Variants in PIK3C2B observed in about 807,000 individuals in gnomAD.
PIK3C2B encodes the protein phosphatidylinositol 4-phosphate 3-kinase C2 domain-containing subunit beta.
In PIK3C2B, 83 loss-of-function variants were observed where a neutral mutation model predicts 184.3. The ratio of observed to expected loss-of-function variants is 0.45; its 90% CI spans 0.38 to 0.54. The LOEUF (loss-of-function observed/expected upper bound fraction) is 0.54, where lower values mean the gene tolerates loss of function less well. Among genes scored for constraint, PIK3C2B ranks in the 20% least tolerant of loss-of-function variants. PIK3C2B has a pLI of 0.00. For missense variants in PIK3C2B, 1,736 were observed against 2,113.5 expected, an observed-to-expected ratio of 0.82 and a Z score of 3.50; for synonymous variants, 779 against 837.6, an observed-to-expected ratio of 0.93 and a Z score of 1.21.
intron 23 of PIK3C2B, among the ~76,000 whole-genome samples, chr1:204,437,928 C>T (rs939160621): frequency 1.5e-4 from 23 of 152,076 alleles, no homozygotes; most frequent in Admixed American, 9.8e-4. Flanking sequence ...GGAATGGCTT[C>T]GGAGGTCATC....
chr1:204,487,661 T>C (rs1657704889), intron 1 of PIK3C2B, among the ~76,000 whole-genome samples: 1 of 152,182 alleles, frequency 6.6e-6, no homozygotes, highest in South Asian at 2.1e-4. Context: ...ATCTCCAAAA[T>C]AATAAACACC....
At chr1:204,454,276 A>T (rs1654625373) in intron 12 of PIK3C2B, among the ~76,000 whole-genome samples, 1 of 150,956 alleles carries the variant, frequency 6.6e-6, no homozygotes, top group African/African-American at 2.4e-5. Context: ...AGGTCAGGAG[A>T]TCGAGACTAT....
chr1:204,445,215 A>T lies in PIK3C2B; in HGVS notation c.2678+741T>A, dbSNP rs1653747251. On this transcript the variant is annotated intron_variant, in intron 16 of 32. Coordinates refer to ENST00000684373, the MANE Select transcript of PIK3C2B (RefSeq NM_001377334.1). Reference sequence around the variant, plus strand: ...AAATGTTGCCCCAAAAGAAAAAAAAAAAAAAACAGAACAAACATCGAGCTC... The same window carrying T: ...AAATGTTGCCCCAAAAGAAAAAAAATAAAAAACAGAACAAACATCGAGCTC... Among the ~76,000 whole-genome samples the T allele has an allele frequency of 2.6e-5, 4 of 151,960 alleles. No individual in the cohort carries two copies. In the South Asian group the frequency reaches 8.3e-4, roughly 32 times the overall value.
chr1:204,459,896 A>G lies in PIK3C2B; in HGVS notation c.1548T>C (p.Asp516=), dbSNP rs1274213930. 8 of 1,613,758 alleles carry G rather than the reference A, an allele frequency of 5.0e-6. No individual in the cohort carries two copies. Among genetic ancestry groups the G allele is most frequent in the East Asian group, 2.2e-5 (1 of 44,890 alleles). Residue 516 remains aspartate (D), a synonymous_variant, in exon 8 of 33, where the codon GAT becomes GAC. Transcript: ENST00000684373. ...TACTCACATCAGCCAGCAGGAAGGC[A>G]TCCACCTCATTGTGGTAAGTGTCGA... ...LLFDTYHNEV[D]AFLLADGDFP...
At chr1:204,464,327 C>A in intron 4 of PIK3C2B, 123 bp downstream of exon 4, 1 of 1,166,096 alleles carries the variant, frequency 8.6e-7, no homozygotes, top group Non-Finnish European at 1.2e-6. Context: ...CCCTCACCCC[C>A]AAAGGAGCAT....
At chr1:204,445,654 T>C (rs3014634) in intron 16 of PIK3C2B, among the ~76,000 whole-genome samples, 138,221 of 150,032 alleles carry the variant, frequency 0.92, 64,041 homozygotes, top group Non-Finnish European at 0.98. Context: ...ATGGATACAG[T>C]GATGGATAAA....
intron 1 of PIK3C2B, among the ~76,000 whole-genome samples, chr1:204,473,069 A>C (rs1393031538): frequency 2.0e-5 from 3 of 152,238 alleles, no homozygotes; most frequent in Non-Finnish European, 4.4e-5. Flanking sequence ...ACAAACATGA[A>C]ATTACACCTC....
At chr1:204,493,288 T>C (rs1331775507) in intron 1 of PIK3C2B, among the ~76,000 whole-genome samples, 2 of 152,128 alleles carry the variant, frequency 1.3e-5, no homozygotes, top group East Asian at 3.9e-4. Flanking sequence ...GCCCACTTCT[T>C]GGAGCCCGGG....
intron 2 of PIK3C2B, 140 bp downstream of exon 2, chr1:204,468,730 G>T: frequency 1.4e-6 from 1 of 719,762 alleles, no homozygotes; most frequent in Non-Finnish European, 2.2e-6. Context: ...TCCCCCACCA[G>T]GGCCAGGGTC....
intron 16 of PIK3C2B, 107 bp downstream of exon 16, chr1:204,445,849 C>T: frequency 1.6e-6 from 1 of 644,708 alleles, no homozygotes; most frequent in Non-Finnish European, 2.5e-6. Context: ...AATATCCACA[C>T]CCACTTTACC....
intron 1 of PIK3C2B, among the ~76,000 whole-genome samples, chr1:204,477,931 G>A (rs1398488035): frequency 1.3e-5 from 2 of 152,200 alleles, no homozygotes; most frequent in Admixed American, 6.5e-5. Flanking sequence ...ATCCCCTCTT[G>A]GGGTGTAAAG....
Position 204,449,830 on chromosome 1 carries a change from G to A in PIK3C2B, c.2234+20C>T, listed in dbSNP as rs200275118. ...CCTCCCCTTCCAAGGCCAAGAAGCT[G>A]TACCCTGGGGCTCACATACTGCCTG... On this transcript the variant is annotated intron_variant, in intron 13 of 32. Coordinates refer to ENST00000684373, the MANE Select transcript of PIK3C2B (RefSeq NM_001377334.1). The A allele has an allele frequency of 1.1e-4, 180 of 1,584,790 alleles. 1 individual carries two copies. In the African/African-American group the frequency reaches 2.0e-3, roughly 18 times the overall value.
chr1:204,463,094 A>G (rs555718595), intron 5 of PIK3C2B, among the ~76,000 whole-genome samples: 4 of 152,300 alleles, frequency 2.6e-5, no homozygotes, highest in South Asian at 4.1e-4. Context: ...TGAATCTTCC[A>G]TCCTGACTGC....
chr1:204,450,432 G>A (rs1057138634), intron 12 of PIK3C2B, among the ~76,000 whole-genome samples: 2 of 151,980 alleles, frequency 1.3e-5, no homozygotes, highest in Non-Finnish European at 2.9e-5. Context: ...TTTTCCATTT[G>A]ACAGTCTCCA....
chr1:204,441,814 C>T (rs183117105), intron 20 of PIK3C2B, among the ~76,000 whole-genome samples: 106 of 152,322 alleles, frequency 7.0e-4, no homozygotes, highest in African/African-American at 1.3e-3. Flanking sequence ...GTTCATTCTG[C>T]GCACAACTTA....
chr1:204,483,963 T>G, intron 1 of PIK3C2B, among the ~76,000 whole-genome samples: 1 of 152,204 alleles, frequency 6.6e-6, no homozygotes, highest in Non-Finnish European at 1.5e-5. Context: ...CGTGTAAGCA[T>G]CCGGCACCAA....
At chr1:204,445,111 G>A (rs960525667) in intron 16 of PIK3C2B, among the ~76,000 whole-genome samples, 1 of 151,684 alleles carries the variant, frequency 6.6e-6, no homozygotes, top group East Asian at 1.9e-4. Flanking sequence ...TAAGTAATAA[G>A]GATTTCAGTT....
intron 1 of PIK3C2B, among the ~76,000 whole-genome samples, chr1:204,470,242 A>G (rs1034227214): frequency 3.4e-5 from 5 of 146,666 alleles, no homozygotes; most frequent in African/African-American, 1.3e-4. Flanking sequence ...ATCTCGGCTC[A>G]CTGCAACCTC....
At chr1:204,474,055 G>A (rs934329834) in intron 1 of PIK3C2B, among the ~76,000 whole-genome samples, 8 of 147,500 alleles carry the variant, frequency 5.4e-5, no homozygotes, top group African/African-American at 1.5e-4. Flanking sequence ...GCAATGGCGC[G>A]ATCTCGGCTC....
Sources: allele counts gnomAD v4.1 joint callset (sites outside exome capture counted in the v4.1 genomes callset), GRCh38; gene constraint gnomAD v4.1.1; transcripts MANE v1.5; gene names NCBI Gene and HGNC (gene_info 2026-07-23, HGNC 2026-07-21).